PTPRT: variants seen among roughly 807,000 people sequenced by gnomAD.
The protein encoded by PTPRT is receptor-type tyrosine-protein phosphatase T.
PTPRT carries 56 observed loss-of-function variants against 176.8 expected under a neutral mutation model. The ratio of observed to expected loss-of-function variants is 0.32; its 90% CI spans 0.26 to 0.40. The LOEUF (loss-of-function observed/expected upper bound fraction) is 0.40. Ranked by LOEUF, PTPRT falls within the 10% of genes least tolerant of loss-of-function variation. The pLI is 1.00. For synonymous variants in PTPRT, 783 were observed against 739.0 expected, an observed-to-expected ratio of 1.06 and a Z score of -0.96; for missense variants, 1,540 against 1,908.2, an observed-to-expected ratio of 0.81 and a Z score of 3.60.
intron 2 of PTPRT, among the ~76,000 whole-genome samples, chr20:42,852,217 A>T (rs1346561662): frequency 6.6e-6 from 1 of 152,168 alleles, no homozygotes; most frequent in Non-Finnish European, 1.5e-5. Context: ...TAAATATGTA[A>T]TCACTTTGGG....
rs1181825658 is a variant in PTPRT at position 42,745,299 on chromosome 20, C to T, written c.859+11163G>A. Among the ~76,000 whole-genome samples, 4 of 152,204 alleles carry T rather than the reference C, an allele frequency of 2.6e-5. No homozygotes were observed. In the East Asian group the frequency reaches 5.8e-4, roughly 22 times the overall value. The stretch of plus-strand genomic sequence containing the variant: ...AGTATCTTCCCATCCAGTTTCTGCA[C>T]CTGGCGTCCTAGATGAATAGTAGGG... On this transcript the variant is annotated intron_variant, in intron 6 of 30. Transcript: ENST00000373187.
chr20:42,408,410 C>G (rs2425494), intron 9 of PTPRT, among the ~76,000 whole-genome samples: 1 of 151,988 alleles, frequency 6.6e-6, no homozygotes, highest in Non-Finnish European at 1.5e-5. Flanking sequence ...GTGTCTGTGT[C>G]TATCTTATTT....
rs947205 is a variant in PTPRT, at chr20:43,130,814, C to T, written c.88+58832G>A. Among the ~76,000 whole-genome samples, 14 of 117,440 alleles carry T rather than the reference C, an allele frequency of 1.2e-4. No individual in the cohort carries two copies. The East Asian group carries it at 1.2e-3, about 10-fold the overall frequency. 77.0% of individuals were successfully genotyped at this position (117,440 alleles called of 152,430 possible). A position where few individuals can be genotyped will look rare whatever the true frequency, so the allele number is the denominator to read the frequency against. On this transcript the variant is annotated intron_variant, in intron 1 of 30. Coordinates refer to ENST00000373187, the MANE Select transcript of PTPRT (RefSeq NM_007050.6). ...ATTTGGTGAAATAAGGAAGGATTTTCAAAAAAAAAAAAAAAGGAAAAAGTA... is the reference window on the plus strand; with the variant it reads ...ATTTGGTGAAATAAGGAAGGATTTTTAAAAAAAAAAAAAAAGGAAAAAGTA...
intron 1 of PTPRT, among the ~76,000 whole-genome samples, chr20:43,081,528 T>C (rs368649865): frequency 1.7e-4 from 26 of 152,344 alleles, no homozygotes; most frequent in African/African-American, 5.8e-4. Flanking sequence ...TCAGTCTCTC[T>C]AGAGGCAAAT....
intron 12 of PTPRT, among the ~76,000 whole-genome samples, chr20:42,310,471 G>C (rs2057610402): frequency 6.6e-6 from 1 of 152,128 alleles, no homozygotes; most frequent in Non-Finnish European, 1.5e-5. Context: ...TGGCTACAAG[G>C]GGAGAGTCAA....
chr20:42,262,542 G>T (rs914311499), intron 13 of PTPRT, among the ~76,000 whole-genome samples: 1 of 152,206 alleles, frequency 6.6e-6, no homozygotes. Flanking sequence ...TCAAATACTG[G>T]ATTGAAAACT....
At chr20:42,357,686 A>T (rs1157048537) in intron 9 of PTPRT, among the ~76,000 whole-genome samples, 4 of 152,020 alleles carry the variant, frequency 2.6e-5, no homozygotes, top group African/African-American at 9.7e-5. Context: ...AGGCAGGAGG[A>T]TTATTTGAGC....
chr20:43,012,240 A>T (rs527585302), intron 1 of PTPRT, among the ~76,000 whole-genome samples: 12 of 152,196 alleles, frequency 7.9e-5, no homozygotes, highest in African/African-American at 2.7e-4. Flanking sequence ...AATATTTTTC[A>T]CTCCTAAAAA....
In PTPRT at chr20:42,513,638, T is replaced by C. The variant is rs541024652; in HGVS notation, c.1154-41076A>G. 3.9e-5 allele frequency among the ~76,000 whole-genome samples: 6 copies of C among 152,288 alleles called. No individual in the cohort carries two copies. In the East Asian group the frequency reaches 1.2e-3, roughly 29 times the overall value. On this transcript the variant is annotated intron_variant, in intron 7 of 30. Transcript: ENST00000373187. ...ATTTCCAGGTGCTGGGAAATATATA[T>C]GCTACACATAAAGTGTAAAGAACGA...
intron 1 of PTPRT, among the ~76,000 whole-genome samples, chr20:43,088,520 T>C (rs1159804023): frequency 6.6e-6 from 1 of 152,106 alleles, no homozygotes; most frequent in Non-Finnish European, 1.5e-5. Context: ...ATGATTCAAC[T>C]TCTAAACACC....
At chr20:43,159,825 G>A (rs1040541709) in intron 1 of PTPRT, among the ~76,000 whole-genome samples, 4 of 151,962 alleles carry the variant, frequency 2.6e-5, no homozygotes, top group Admixed American at 1.3e-4. Flanking sequence ...GTCTGTGGTC[G>A]CTGTTTTTCG....
At chr20:42,190,531 AAAG>A (rs1206857833) in intron 16 of PTPRT, among the ~76,000 whole-genome samples, 6 of 152,302 alleles carry the variant, frequency 3.9e-5, no homozygotes, top group African/African-American at 1.4e-4. Context: ...CTTTGCAAAT[AAAG>A]AAGAAGGGCT....
intron 11 of PTPRT, among the ~76,000 whole-genome samples, chr20:42,325,350 T>C (rs1400090366): frequency 6.6e-6 from 1 of 152,200 alleles, no homozygotes; most frequent in African/African-American, 2.4e-5. Context: ...TCTCCTATGA[T>C]TGAATTGCAT....
At chr20:43,017,682 G>A (rs1468564649) in intron 1 of PTPRT, among the ~76,000 whole-genome samples, 5 of 152,194 alleles carry the variant, frequency 3.3e-5, no homozygotes, top group African/African-American at 1.2e-4. Context: ...GGACTGGGAG[G>A]GAAAAGCTCC....
intron 2 of PTPRT, among the ~76,000 whole-genome samples, chr20:42,826,946 T>C (rs1031503711): frequency 2.0e-5 from 3 of 151,772 alleles, no homozygotes; most frequent in Non-Finnish European, 2.9e-5. Context: ...CAGCCAAAGA[T>C]CAAAAAAGAC....
chr20:42,055,472 A>C, the PTPRT span, among the ~76,000 whole-genome samples: 167 of 152,360 alleles, frequency 1.1e-3, no homozygotes, highest in Middle Eastern at 3.4e-3. Context: ...GCAGAGCTGC[A>C]AGAGCAGCCA....
chr20:42,580,511 C>T (rs1413879246), intron 7 of PTPRT, among the ~76,000 whole-genome samples: 72 of 152,060 alleles, frequency 4.7e-4, no homozygotes, highest in Non-Finnish European at 4.0e-4. Flanking sequence ...GCCATTTTCA[C>T]GATATTGATT....
At chr20:43,124,879 T>C (rs2013384534) in intron 1 of PTPRT, among the ~76,000 whole-genome samples, 1 of 152,210 alleles carries the variant, frequency 6.6e-6, no homozygotes, top group Admixed American at 6.5e-5. Flanking sequence ...ACTGGAGTGT[T>C]AGAAAGTCAT....
chr20:42,381,964 A>G (rs1293865507), intron 9 of PTPRT, among the ~76,000 whole-genome samples: 4 of 152,340 alleles, frequency 2.6e-5, no homozygotes, highest in Admixed American at 6.5e-5. Context: ...TGAGGCAGGA[A>G]ACAAAGCAAT....
Sources: allele counts gnomAD v4.1 joint callset (sites outside exome capture counted in the v4.1 genomes callset), GRCh38; gene constraint gnomAD v4.1.1; transcripts MANE v1.5; gene names NCBI Gene and HGNC (gene_info 2026-07-23, HGNC 2026-07-21).